KDM2A: variants seen among roughly 807,000 people sequenced by gnomAD.
KDM2A encodes the protein lysine-specific demethylase 2A.
A neutral mutation model predicts 137.3 loss-of-function variants in KDM2A; 3 were observed. The observed-to-expected ratio is 0.02, with a 90% CI of 0.01 to 0.06. KDM2A has a LOEUF of 0.06. KDM2A is among the 10% of genes least tolerant of loss of function. The pLI, the probability that KDM2A is intolerant of heterozygous loss-of-function variation, is 1.00. For missense variants in KDM2A, 738 were observed against 1,510.6 expected (o/e 0.49, Z 8.48); for synonymous variants, 512 against 541.5 (o/e 0.95, Z 0.76).
chr11:67,235,302 ATTTT>A (rs139776975), intron 12 of KDM2A, among the ~76,000 whole-genome samples: 43 of 134,530 alleles, frequency 3.2e-4, no homozygotes, highest in Admixed American at 3.0e-3. Flanking sequence ...TACTATGAGA[ATTTT>A]TTTTTTTTTT....
At chr11:67,199,638 A>G (rs1857568477) in intron 5 of KDM2A, among the ~76,000 whole-genome samples, 1 of 152,222 alleles carries the variant, frequency 6.6e-6, no homozygotes, top group African/African-American at 2.4e-5. Context: ...GAGCTGCAGA[A>G]GAAAAGTTTA....
At chr11:67,207,047 C>A (rs1857825834) in intron 5 of KDM2A, among the ~76,000 whole-genome samples, 1 of 152,170 alleles carries the variant, frequency 6.6e-6, no homozygotes, top group Non-Finnish European at 1.5e-5. Context: ...CAGTCTGTTA[C>A]CCACTAAATT....
intron 2 of KDM2A, among the ~76,000 whole-genome samples, chr11:67,137,971 G>A (rs960182183): frequency 1.3e-5 from 2 of 152,042 alleles, no homozygotes; most frequent in African/African-American, 4.8e-5. Flanking sequence ...CTAATTTTTT[G>A]TATTTTAGTA....
At chr11:67,211,814 A>G (rs1055571776) in intron 6 of KDM2A, among the ~76,000 whole-genome samples, 1 of 151,960 alleles carries the variant, frequency 6.6e-6, no homozygotes, top group Non-Finnish European at 1.5e-5. Flanking sequence ...GAGTTACATA[A>G]TCTGTTTGTT....
At chr11:67,227,890 C>T in intron 10 of KDM2A, 147 bp from the exon 11 acceptor site, 1 of 766,814 alleles carries the variant, frequency 1.3e-6, no homozygotes, top group East Asian at 2.5e-5. Flanking sequence ...GTTGATGGTT[C>T]TGCTTAAGTT....
chr11:67,224,970 T>C (rs1858493422), intron 10 of KDM2A, among the ~76,000 whole-genome samples: 1 of 150,216 alleles, frequency 6.7e-6, no homozygotes, highest in Non-Finnish European at 1.5e-5. Flanking sequence ...GCATCCCGAG[T>C]AGCTGGGATT....
intron 2 of KDM2A, among the ~76,000 whole-genome samples, chr11:67,179,383 C>A (rs1857038343): frequency 6.6e-6 from 1 of 152,172 alleles, no homozygotes; most frequent in Non-Finnish European, 1.5e-5. Flanking sequence ...AAGCGATTCT[C>A]CTGCGTCAGC....
intron 17 of KDM2A, chr11:67,252,325 A>G (rs1859453976): frequency 4.1e-6 from 1 of 243,770 alleles, no homozygotes; most frequent in Admixed American, 5.0e-5. Flanking sequence ...TAGAAACTTC[A>G]AGAGGCTCCC....
intron 10 of KDM2A, among the ~76,000 whole-genome samples, chr11:67,224,828 ATTTTTTTTTTTTTT>A (rs764581976): frequency 6.0e-5 from 4 of 66,300 alleles, no homozygotes; most frequent in East Asian, 5.3e-4. Flanking sequence ...CAGCTGCAGC[ATTTTTTTTTTTTTT>A]TTTTTTTTTT....
intron 12 of KDM2A, among the ~76,000 whole-genome samples, chr11:67,234,599 T>G (rs751080254): frequency 9.2e-5 from 14 of 152,244 alleles, no homozygotes; most frequent in Non-Finnish European, 2.1e-4. Flanking sequence ...CTGAGCCCAG[T>G]GGCTCACACC....
intron 5 of KDM2A, among the ~76,000 whole-genome samples, chr11:67,182,925 T>C (rs538380480): frequency 6.6e-6 from 1 of 152,244 alleles, no homozygotes; most frequent in Non-Finnish European, 1.5e-5. Context: ...TATTATCTTT[T>C]GTCCTCTGTA....
At chr11:67,210,561 T>C (rs1195346019) in intron 6 of KDM2A, among the ~76,000 whole-genome samples, 1 of 152,096 alleles carries the variant, frequency 6.6e-6, no homozygotes, top group Non-Finnish European at 1.5e-5. Flanking sequence ...TAGAAAAATA[T>C]ATTAACATTA....
At chr11:67,251,523 C>G (rs1464095057) in intron 17 of KDM2A, among the ~76,000 whole-genome samples, 1 of 152,212 alleles carries the variant, frequency 6.6e-6, no homozygotes, top group Non-Finnish European at 1.5e-5. Flanking sequence ...TCCTTTTTAT[C>G]TGGGTCACAC....
chr11:67,206,102 A>G (rs890033618), intron 5 of KDM2A, among the ~76,000 whole-genome samples: 7 of 152,218 alleles, frequency 4.6e-5, no homozygotes, highest in Non-Finnish European at 1.0e-4. Flanking sequence ...GAGAAATTAT[A>G]TAACTTGTCT....
chr11:67,189,999 T>TA (rs1270301981), intron 5 of KDM2A, among the ~76,000 whole-genome samples: 1 of 151,590 alleles, frequency 6.6e-6, no homozygotes, highest in Non-Finnish European at 1.5e-5. Context: ...AGAAAAACAA[T>TA]AGAGAAAAGT....
intron 2 of KDM2A, among the ~76,000 whole-genome samples, chr11:67,154,750 T>A (rs890947864): frequency 1.3e-5 from 2 of 152,234 alleles, no homozygotes; most frequent in African/African-American, 4.8e-5. Context: ...GGGTGTTTCA[T>A]GTAAATGGAA....
intron 2 of KDM2A, among the ~76,000 whole-genome samples, chr11:67,140,235 G>A (rs925423597): frequency 2.6e-5 from 4 of 151,956 alleles, no homozygotes; most frequent in African/African-American, 7.2e-5. Context: ...CTGTCATGGC[G>A]TGTACCTCTA....
At chr11:67,246,480 A>G (rs554564376) in intron 15 of KDM2A, among the ~76,000 whole-genome samples, 95 of 152,248 alleles carry the variant, frequency 6.2e-4, no homozygotes, top group African/African-American at 2.2e-3. Flanking sequence ...ACCTCTGGAT[A>G]TTAGTTCCTA....
chr11:67,184,896 T>C (rs1335333440), intron 5 of KDM2A, among the ~76,000 whole-genome samples: 2 of 151,866 alleles, frequency 1.3e-5, no homozygotes, highest in African/African-American at 4.8e-5. Context: ...AGGGAGAGAA[T>C]TGGATTTCAA....
Sources: gnomAD v4.1 joint callset for allele counts (sites outside exome capture counted in the v4.1 genomes callset) on GRCh38, gnomAD v4.1.1 for gene constraint, MANE v1.5 for transcripts, NCBI Gene and HGNC (gene_info 2026-07-23, HGNC 2026-07-21) for gene names.